Variants in ZRANB3 observed in about 807,000 individuals in gnomAD.
The protein encoded by ZRANB3 is zinc finger RANBP2-type containing 3, also known as DNA annealing helicase and endonuclease ZRANB3.
Under a neutral mutation model 133.8 loss-of-function variants are expected in ZRANB3, and 125 were observed. The observed-to-expected ratio is 0.93, with a 90% CI of 0.81 to 1.08. The LOEUF (loss-of-function observed/expected upper bound fraction) is 1.08. Ranked by LOEUF, ZRANB3 falls within the 50% of genes least tolerant of loss-of-function variation. ZRANB3 has a pLI of 0.00. For missense variants in ZRANB3, 1,229 were observed against 1,275.5 expected (o/e 0.96, Z 0.56); for synonymous variants, 387 against 432.7 (o/e 0.89, Z 1.31).
At chr2:135,421,610 C>T (rs1474485735) in intron 2 of ZRANB3, among the ~76,000 whole-genome samples, 1 of 152,134 alleles carries the variant, frequency 6.6e-6, no homozygotes, top group Non-Finnish European at 1.5e-5. Flanking sequence ...TTCCACAGCT[C>T]CTGCCCTATT....
intron 2 of ZRANB3, among the ~76,000 whole-genome samples, chr2:135,455,805 A>C (rs1690492211): frequency 6.6e-6 from 1 of 150,416 alleles, no homozygotes; most frequent in Non-Finnish European, 1.5e-5. Flanking sequence ...CGTGTTAGCC[A>C]GGATGGTCTC....
intron 2 of ZRANB3, among the ~76,000 whole-genome samples, chr2:135,394,519 T>C (rs1177264549): frequency 6.6e-6 from 1 of 152,068 alleles, no homozygotes; most frequent in Admixed American, 6.6e-5. Flanking sequence ...GATGATATTT[T>C]AGTCAAGAGA....
intron 2 of ZRANB3, among the ~76,000 whole-genome samples, chr2:135,426,060 C>G (rs1447044907): frequency 2.0e-5 from 3 of 151,940 alleles, no homozygotes; most frequent in South Asian, 4.2e-4. Flanking sequence ...CTATTACTGA[C>G]AGCAAACAAA....
chr2:135,333,395 T>C (rs1021246247), intron 6 of ZRANB3, among the ~76,000 whole-genome samples: 1 of 152,228 alleles, frequency 6.6e-6, no homozygotes, highest in African/African-American at 2.4e-5. Context: ...TTTATGCTTA[T>C]ATTACAATCT....
At chr2:135,377,415 T>G in intron 3 of ZRANB3, among the ~76,000 whole-genome samples, 1 of 151,164 alleles carries the variant, frequency 6.6e-6, no homozygotes, top group East Asian at 1.9e-4. Flanking sequence ...ATGAAATTAG[T>G]TTTTTTTTGA....
At chr2:135,310,458 C>A (rs1198202201) in intron 8 of ZRANB3, among the ~76,000 whole-genome samples, 2 of 151,478 alleles carry the variant, frequency 1.3e-5, no homozygotes, top group Non-Finnish European at 2.9e-5. Context: ...CAAACCAAAA[C>A]AAAAATAAAA....
chr2:135,281,850 C>A (rs1681113559), intron 8 of ZRANB3, among the ~76,000 whole-genome samples: 1 of 152,210 alleles, frequency 6.6e-6, no homozygotes, highest in Admixed American at 6.5e-5. Context: ...TACCTCTCAG[C>A]TGTCACACCC....
intron 2 of ZRANB3, among the ~76,000 whole-genome samples, chr2:135,475,156 T>C (rs1235461151): frequency 2.0e-5 from 3 of 151,940 alleles, no homozygotes; most frequent in Admixed American, 2.0e-4. Context: ...GTAGCCAGTT[T>C]TATTGTTAGA....
rs1283230151 is a variant in ZRANB3 at position 135,200,083 on chromosome 2, AC to A, written c.*258del. 1 of 527,262 alleles carries A rather than the reference AC, an allele frequency of 1.9e-6. No homozygotes were observed. Among genetic ancestry groups the A allele is most frequent in the Non-Finnish European group, 3.4e-6 (1 of 290,566 alleles). The allele number at this position is 527,262 out of a possible 1,614,324, so 32.7% of individuals were successfully genotyped here. On this transcript the variant is annotated 3_prime_UTR_variant, in exon 21 of 21. Transcript: ENST00000264159. ...AGGCATATTAGGGGTAAAGAGCTTT[AC>A]AAAACATTGCTGAAACATAATTGCG...
rs145401231 is a variant in ZRANB3 at position 135,282,963 on chromosome 2, G to A, written c.967-7208C>T. 2.2e-4 allele frequency among the ~76,000 whole-genome samples: 33 copies of A among 152,208 alleles called. No individual in the cohort carries two copies. The East Asian group carries it at 6.2e-3, about 29-fold the overall frequency. ...GCTTTAAAAAAGTTATTTTCATGGA[G>A]GTTTGATCATAAAAGTCACTGATCA... On this transcript the variant is annotated intron_variant, in intron 8 of 20. Transcript: ENST00000264159.
chr2:135,490,925 G>A (rs1308459565), intron 2 of ZRANB3, among the ~76,000 whole-genome samples: 1 of 152,136 alleles, frequency 6.6e-6, no homozygotes, highest in East Asian at 1.9e-4. Flanking sequence ...TCATATGTGG[G>A]AGCTCAAAAA....
chr2:135,521,220 C>T (rs1393115641), intron 1 of ZRANB3, among the ~76,000 whole-genome samples: 3 of 152,186 alleles, frequency 2.0e-5, no homozygotes, highest in Non-Finnish European at 4.4e-5. Context: ...TGCAACATTG[C>T]CTCTCCAAAT....
chr2:135,322,502 G>C (rs1683577338), intron 6 of ZRANB3, among the ~76,000 whole-genome samples: 1 of 152,052 alleles, frequency 6.6e-6, no homozygotes, highest in Non-Finnish European at 1.5e-5. Flanking sequence ...AATTGCTGGA[G>C]GCCAGGAGTT....
At chr2:135,483,824 T>C (rs1691964425) in intron 2 of ZRANB3, among the ~76,000 whole-genome samples, 1 of 152,204 alleles carries the variant, frequency 6.6e-6, no homozygotes, top group Non-Finnish European at 1.5e-5. Context: ...TTTGTTGTCG[T>C]TGGTTTCAAA....
intron 2 of ZRANB3, among the ~76,000 whole-genome samples, chr2:135,479,104 T>C (rs1691641928): frequency 6.6e-6 from 1 of 151,938 alleles, no homozygotes; most frequent in South Asian, 2.1e-4. Flanking sequence ...CTTGCTGGTA[T>C]TGTCTTTTTT....
intron 14 of ZRANB3, among the ~76,000 whole-genome samples, chr2:135,226,135 A>G (rs963099962): frequency 2.0e-5 from 3 of 152,248 alleles, no homozygotes; most frequent in African/African-American, 7.2e-5. Context: ...TTTGATAAAA[A>G]TAACTGTAAC....
At position 135,204,662 on chromosome 2, in the gene ZRANB3, T is replaced by TAC. The variant is rs1372208892; in HGVS notation, c.3010-1701_3010-1700dup. On this transcript the variant is annotated intron_variant, in intron 19 of 20. Transcript: ENST00000264159. ...CTCAAAAAAAAAAAATATATATATA[T>TAC]ACATATATATATATAAAATATAAAA... Among the ~76,000 whole-genome samples, 18 of 139,746 alleles carry TAC rather than the reference T, an allele frequency of 1.3e-4. No individual in the cohort carries two copies. The South Asian group carries it at 1.7e-3, about 13-fold the overall frequency. 91.7% of individuals were successfully genotyped at this position (139,746 alleles called of 152,430 possible). A position where few individuals can be genotyped will look rare whatever the true frequency, so the allele number is the denominator to read the frequency against.
chr2:135,482,668 TGAGA>T (rs1395383906), intron 2 of ZRANB3, among the ~76,000 whole-genome samples: 2 of 152,188 alleles, frequency 1.3e-5, no homozygotes, highest in African/African-American at 4.8e-5. Flanking sequence ...ATAGGAATGG[TGAGA>T]GAGGGCATCC....
At chr2:135,202,722 G>A (rs747015426) in intron 20 of ZRANB3, 110 bp downstream of exon 20, 43 of 1,335,526 alleles carry the variant, frequency 3.2e-5, no homozygotes, top group African/African-American at 2.8e-4. Flanking sequence ...AATGTGCCTC[G>A]AATCTCAGAC....
Sources: allele counts gnomAD v4.1 joint callset (sites outside exome capture counted in the v4.1 genomes callset), GRCh38; gene constraint gnomAD v4.1.1; transcripts MANE v1.5; gene names NCBI Gene and HGNC (gene_info 2026-07-23, HGNC 2026-07-21).